Variants in ZNF611 observed in about 807,000 individuals in gnomAD.
ZNF611 encodes the protein zinc finger protein 611.
ZNF611 carries 6 observed loss-of-function variants against 8.9 expected under a neutral mutation model. That is an observed-to-expected ratio of 0.68 (90% CI 0.37 to 1.34). The LOEUF (loss-of-function observed/expected upper bound fraction) is 1.34, where lower values mean the gene tolerates loss of function less well. Among genes scored for constraint, ZNF611 ranks in the 40% most tolerant of loss-of-function variants. ZNF611 has a pLI of 0.02. For missense variants in ZNF611, 874 were observed against 841.3 expected (o/e 1.04, Z -0.48); for synonymous variants, 262 against 279.7 (o/e 0.94, Z 0.63).
chr19:52,706,895 A>G (rs373464308), intron 5 of ZNF611, 31 bp from the exon 6 acceptor site: 25 of 1,587,868 alleles, frequency 1.6e-5, no homozygotes, highest in African/African-American at 5.4e-5. Flanking sequence ...TACATTTCCA[A>G]TTAAGTACAG....
Position 52,706,265 on chromosome 19 carries a change from AT to A in ZNF611, c.789del (p.Cys264ValfsTer49), listed in dbSNP as rs1457357063. 1 of 1,614,216 alleles carries A rather than the reference AT, an allele frequency of 6.2e-7. No homozygotes were observed. The highest frequency in any genetic ancestry group is 8.5e-7 in the Non-Finnish European group (1 of 1,180,034). On this transcript the variant is annotated frameshift_variant, in exon 6 of 6. Coordinates refer to ENST00000652185, the MANE Select transcript of ZNF611 (RefSeq NM_001161499.2). LOFTEE classifies it low-confidence loss of function (END_TRUNC). ...TGCTCGTGATTAAAGAGCTTGCCAC[AT>A]ACATCACATTTATATTGTTTGTCTC... ...HLGDKQYKCD[V>X]CGKLFNHEQY...
At chr19:52,727,915 T>C (rs2062402463) in intron 3 of ZNF611, among the ~76,000 whole-genome samples, 1 of 149,764 alleles carries the variant, frequency 6.7e-6, no homozygotes, top group Non-Finnish European at 1.5e-5. Flanking sequence ...GCCTTTTTTT[T>C]TTTTTTTTTT....
Position 52,705,688 on chromosome 19 carries a change from C to T in ZNF611, c.1367G>A (p.Cys456Tyr), listed in dbSNP as rs1308954192. Residue 456 changes from cysteine to tyrosine, a missense_variant, in exon 6 of 6, where the codon TGT (cysteine) becomes TAT (tyrosine). Transcript: ENST00000652185. ...CACAAAAGCCTTGTCACAAACCTTACATTTGTAAGATTTCTCTCCACCATG... is the reference window on the plus strand; with the variant it reads ...CACAAAAGCCTTGTCACAAACCTTATATTTGTAAGATTTCTCTCCACCATG... ...RLHGGEKSYK[C>Y]KVCDKAFVWS... The T allele has an allele frequency of 1.9e-6, 3 of 1,613,978 alleles. No individual in the cohort carries two copies. The highest frequency in any genetic ancestry group is 2.5e-6 in the Non-Finnish European group (3 of 1,179,892).
At chr19:52,721,298 T>C in intron 3 of ZNF611, 1 of 178,744 alleles carries the variant, frequency 5.6e-6, no homozygotes, top group South Asian at 1.2e-4. Context: ...GCAGAGGCTA[T>C]AATCTCAGCA....
chr19:52,729,174 C>T lies in ZNF611; in HGVS notation c.-121-343G>A, dbSNP rs548267596. Among the ~76,000 whole-genome samples, 5 of 152,112 alleles carry T rather than the reference C, an allele frequency of 3.3e-5. No homozygotes were observed. In the East Asian group the frequency reaches 7.7e-4, roughly 23 times the overall value. ...GTCACATTAATGAAAAGTATATATTCTTCATATTTACAGAATATCTTCTGT... is the reference window on the plus strand; with the variant it reads ...GTCACATTAATGAAAAGTATATATTTTTCATATTTACAGAATATCTTCTGT... On this transcript the variant is annotated intron_variant, in intron 2 of 5. Transcript: ENST00000652185.
At chr19:52,716,839 T>C (rs185813820) in intron 3 of ZNF611, among the ~76,000 whole-genome samples, 2 of 152,116 alleles carry the variant, frequency 1.3e-5, no homozygotes, top group African/African-American at 4.8e-5. Context: ...GTCAGACCAC[T>C]TGGGGTGAAG....
intron 3 of ZNF611, among the ~76,000 whole-genome samples, chr19:52,721,713 C>CAGAGGG (rs1314066736): frequency 7.8e-5 from 11 of 141,514 alleles, no homozygotes; most frequent in African/African-American, 2.1e-4. Context: ...GAGGCAGAGG[C>CAGAGGG]AGAGGGAGAG....
chr19:52,732,235 A>T (rs578223273), intron 1 of ZNF611, among the ~76,000 whole-genome samples: 5 of 152,124 alleles, frequency 3.3e-5, no homozygotes, highest in African/African-American at 1.2e-4. Context: ...GTGCCACTGC[A>T]CTCCAGCCTG....
intron 3 of ZNF611, among the ~76,000 whole-genome samples, chr19:52,719,872 C>T (rs577971071): frequency 2.0e-3 from 298 of 152,290 alleles, no homozygotes; most frequent in African/African-American, 6.9e-3. Context: ...CAGATAAACA[C>T]GTGAATGAAG....
rs1568598731 is a variant in ZNF611 at position 52,705,202 on chromosome 19, C to T, written c.1853G>A (p.Gly618Asp). 2 of 1,614,108 alleles carry T rather than the reference C, an allele frequency of 1.2e-6. No homozygotes were observed. Among genetic ancestry groups the T allele is most frequent in the Non-Finnish European group, 1.7e-6 (2 of 1,180,022 alleles). Reference protein sequence around the residue: ...SLHCHRRLHSGEKPYKCNECG... With the variant: ...SLHCHRRLHSDEKPYKCNECG... Reference sequence around the variant, plus strand: ...CTCATTACACTTGTAAGGTTTCTCACCACTATGAAGTCTACGATGGCAATG... The same window carrying T: ...CTCATTACACTTGTAAGGTTTCTCATCACTATGAAGTCTACGATGGCAATG... The change falls in exon 6 of 6, where the codon GGT becomes GAT. Residue 618 changes from glycine (G) to aspartate (D), a missense_variant. Transcript: ENST00000652185.
intron 3 of ZNF611, chr19:52,716,381 A>C (rs551174146): frequency 6.5e-6 from 1 of 155,022 alleles, no homozygotes; most frequent in South Asian, 2.0e-4. Flanking sequence ...TCCCTGCTAA[A>C]GTGGCACAAA....
intron 3 of ZNF611, among the ~76,000 whole-genome samples, chr19:52,721,731 G>A (rs1009197872): frequency 6.7e-6 from 1 of 150,294 alleles, no homozygotes; most frequent in Admixed American, 6.6e-5. Context: ...GAGGGAGAGG[G>A]AAAGGGAGAG....
At chr19:52,733,421 C>G (rs563189847) in intron 1 of ZNF611, among the ~76,000 whole-genome samples, 1 of 152,258 alleles carries the variant, frequency 6.6e-6, no homozygotes, top group African/African-American at 2.4e-5. Context: ...CCAGCTTGGC[C>G]ACCAGAGCAG....
chr19:52,711,579 A>G (rs906251285), intron 5 of ZNF611, among the ~76,000 whole-genome samples: 2 of 152,226 alleles, frequency 1.3e-5, no homozygotes, highest in African/African-American at 4.8e-5. Context: ...GAGAACAGAA[A>G]GAAGTACATC....
intron 5 of ZNF611, among the ~76,000 whole-genome samples, chr19:52,712,164 G>A (rs563793008): frequency 4.1e-4 from 63 of 152,116 alleles, no homozygotes; most frequent in Non-Finnish European, 7.9e-4. Context: ...TCTAGTTTCA[G>A]GCATGTACTC....
intron 5 of ZNF611, among the ~76,000 whole-genome samples, chr19:52,712,415 G>T (rs1398793309): frequency 8.6e-6 from 1 of 115,706 alleles, no homozygotes; most frequent in African/African-American, 3.4e-5. Flanking sequence ...AGGAGTTCAA[G>T]ACTAGCCTGG....
chr19:52,732,958 T>TATTAATTA (rs35001327), intron 1 of ZNF611, among the ~76,000 whole-genome samples: 347 of 149,300 alleles, frequency 2.3e-3, no homozygotes, highest in East Asian at 0.012. Flanking sequence ...TGTCTCAAAA[T>TATTAATTA]ATTAATTAAT....
intron 3 of ZNF611, among the ~76,000 whole-genome samples, chr19:52,718,073 A>G (rs1234453029): frequency 2.0e-5 from 3 of 152,156 alleles, no homozygotes; most frequent in Non-Finnish European, 4.4e-5. Flanking sequence ...GAGGCCAGGC[A>G]TGGTGACACG....
intron 2 of ZNF611, among the ~76,000 whole-genome samples, chr19:52,729,512 A>AG (rs2062412509): frequency 6.7e-6 from 1 of 148,692 alleles, no homozygotes; most frequent in African/African-American, 2.5e-5. Flanking sequence ...AAAAAAAAAA[A>AG]AAAAAAGAAA....
Sources: allele counts gnomAD v4.1 joint callset (sites outside exome capture counted in the v4.1 genomes callset), GRCh38; gene constraint gnomAD v4.1.1; transcripts MANE v1.5; gene names NCBI Gene and HGNC (gene_info 2026-07-23, HGNC 2026-07-21).